The following KANK4 variants were observed in gnomAD, a reference collection of about 807,000 sequenced individuals.
The protein encoded by KANK4 is KN motif and ankyrin repeat domain-containing protein 4.
A neutral mutation model predicts 80.8 loss-of-function variants in KANK4; 50 were observed. The ratio of observed to expected loss-of-function variants is 0.62; its 90% CI spans 0.49 to 0.78. The LOEUF (loss-of-function observed/expected upper bound fraction) is 0.78. KANK4 is among the 30% of genes least tolerant of loss of function. KANK4 has a pLI of 0.00. For missense variants in KANK4, 1,196 were observed against 1,240.1 expected (o/e 0.96, Z 0.53); for synonymous variants, 465 against 506.9 (o/e 0.92, Z 1.11).
intron 7 of KANK4, among the ~76,000 whole-genome samples, chr1:62,255,824 GT>G (rs1309732651): frequency 6.6e-6 from 1 of 151,626 alleles, no homozygotes; most frequent in Non-Finnish European, 1.5e-5. Flanking sequence ...AATTCTTTGT[GT>G]TTTTTATAGA....
At chr1:62,246,887 A>C (rs1045915592) in intron 9 of KANK4, among the ~76,000 whole-genome samples, 3 of 151,854 alleles carry the variant, frequency 2.0e-5, no homozygotes, top group Non-Finnish European at 4.4e-5. Context: ...CAGCCTCCTG[A>C]GTAGCTGGAA....
chr1:62,266,394 C>T (rs59888667), intron 6 of KANK4, among the ~76,000 whole-genome samples: 2,289 of 151,530 alleles, frequency 0.015, 55 homozygotes, highest in African/African-American at 0.052. Context: ...ACACTCACAC[C>T]ACTGCCTCAC....
intron 6 of KANK4, among the ~76,000 whole-genome samples, chr1:62,266,119 T>C (rs1466658075): frequency 6.6e-6 from 1 of 152,220 alleles, no homozygotes; most frequent in Non-Finnish European, 1.5e-5. Flanking sequence ...GCCACAGAGT[T>C]TGATGACAGA....
chr1:62,283,913 G>A (rs1448140637), intron 1 of KANK4, among the ~76,000 whole-genome samples: 1 of 152,170 alleles, frequency 6.6e-6, no homozygotes, highest in African/African-American at 2.4e-5. Flanking sequence ...TAGAGACCTC[G>A]AAGATTTCTC....
chr1:62,241,355 G>A (rs766679724), intron 9 of KANK4, among the ~76,000 whole-genome samples: 3 of 152,172 alleles, frequency 2.0e-5, no homozygotes, highest in Non-Finnish European at 4.4e-5. Context: ...GCAGAGGAAG[G>A]AAGTGGCATT....
chr1:62,256,342 A>C (rs1671751212), intron 7 of KANK4, among the ~76,000 whole-genome samples: 1 of 152,172 alleles, frequency 6.6e-6, no homozygotes, highest in Non-Finnish European at 1.5e-5. Flanking sequence ...CAAGTGGAAA[A>C]AAGCAACATT....
At chr1:62,289,527 G>A (rs1012017781) in intron 1 of KANK4, among the ~76,000 whole-genome samples, 3 of 152,134 alleles carry the variant, frequency 2.0e-5, no homozygotes, top group African/African-American at 7.2e-5. Flanking sequence ...AGCACACCAC[G>A]ACTGTCTCCC....
chr1:62,282,931 T>TA (rs1283775415), intron 1 of KANK4, among the ~76,000 whole-genome samples: 1 of 152,174 alleles, frequency 6.6e-6, no homozygotes, highest in African/African-American at 2.4e-5. Context: ...CTAGAGAAGT[T>TA]AGAGACAAGG....
chr1:62,253,185 TTCTGATGG>T lies in KANK4; in HGVS notation c.2556_2563del (p.Asp852GlufsTer20). 1 of 1,611,682 alleles carries T rather than the reference TTCTGATGG, an allele frequency of 6.2e-7. No homozygotes were observed. Reference sequence around the variant, plus strand: ...CATTACGGCAGTGTAGCCAGCTTTGTTCTGATGGTCCACATTGCAGACGCCTGCAAGAG... The same window carrying T: ...CATTACGGCAGTGTAGCCAGCTTTGTTCCACATTGCAGACGCCTGCAAGAG... On this transcript the variant is annotated frameshift_variant, in exon 8 of 10. Coordinates refer to ENST00000371153, the MANE Select transcript of KANK4 (RefSeq NM_181712.5). LOFTEE classifies it high-confidence loss of function.
intron 1 of KANK4, among the ~76,000 whole-genome samples, chr1:62,308,135 C>T (rs1644468347): frequency 6.6e-6 from 1 of 152,190 alleles, no homozygotes; most frequent in African/African-American, 2.4e-5. Flanking sequence ...TCTGCCTGCC[C>T]TTTGCTCCTG....
chr1:62,312,939 C>T (rs1211952197), intron 1 of KANK4, among the ~76,000 whole-genome samples: 1 of 151,786 alleles, frequency 6.6e-6, no homozygotes, highest in African/African-American at 2.4e-5. Context: ...GCTTGGCCTC[C>T]TTCCAGACCT....
intron 8 of KANK4, among the ~76,000 whole-genome samples, chr1:62,250,588 CCCT>C (rs1349483482): frequency 3.9e-5 from 6 of 152,162 alleles, no homozygotes; most frequent in Admixed American, 3.9e-4. Flanking sequence ...GCATTCTCAC[CCCT>C]CCTTTGGTGA....
chr1:62,268,466 G>A lies in KANK4; in HGVS notation c.2052C>T (p.Asp684=). Residue 684 remains aspartate (D), a synonymous_variant, in exon 5 of 10, where the codon GAC becomes GAT. Coordinates refer to ENST00000371153, the MANE Select transcript of KANK4 (RefSeq NM_181712.5). ...TGTCAGACAAGTCCTCTGGGGTGCT[G>A]TCCTCACCGCTGGTCTCCTCACTTG... ...TTSSEETSGE[D]STPEDLSDSE... The A allele has an allele frequency of 6.2e-7, 1 of 1,613,766 alleles. No homozygotes were observed. Among genetic ancestry groups the A allele is most frequent in the East Asian group, 2.2e-5 (1 of 44,870 alleles).
intron 7 of KANK4, among the ~76,000 whole-genome samples, chr1:62,258,646 C>G (rs17379871): frequency 0.11 from 17,057 of 152,208 alleles, 1,129 homozygotes; most frequent in Admixed American, 0.17. Flanking sequence ...GACGTTTTCA[C>G]TCAACACCTA....
intron 3 of KANK4, 89 bp from the exon 4 acceptor site, chr1:62,271,678 G>A: frequency 1.0e-6 from 1 of 958,412 alleles, no homozygotes; most frequent in Non-Finnish European, 1.7e-6. Flanking sequence ...GGGGACAAGG[G>A]TTGCAGGTGT....
At position 62,274,638 on chromosome 1, in the gene KANK4, G is replaced by T. The variant is rs745875315; in HGVS notation, c.466C>A (p.Arg156=). Residue 156 remains arginine (R), a synonymous_variant, in exon 3 of 10, where the codon CGG becomes AGG. Transcript: ENST00000371153. ...CTGGATGCTCTCAAGAGCTGGGGCC[G>T]TCCACTCCCAAAAGTGAGCTCGGCA... ...EDAELTFGSG[R]PQLLRASSMP... is the part of the protein sequence containing the mutation. The T allele has an allele frequency of 6.2e-7, 1 of 1,614,126 alleles. No individual in the cohort carries two copies. The highest frequency in any genetic ancestry group is 8.5e-7 in the Non-Finnish European group (1 of 1,180,024).
chr1:62,292,637 C>T lies in KANK4; in HGVS notation c.-70-11003G>A, dbSNP rs141318937. 8.1e-3 allele frequency among the ~76,000 whole-genome samples: 1,229 copies of T among 152,268 alleles called. 10 individuals are homozygous for T. The highest frequency in any genetic ancestry group is 0.014 in the Admixed American group (207 of 15,290). ...ATTTGTAACTATAAAAGCCTTCCTC[C>T]AATTGAGAATGGCAAATCTCTATTT... On this transcript the variant is annotated intron_variant, in intron 1 of 9. Transcript: ENST00000371153.
chr1:62,295,614 C>T (rs886433957), intron 1 of KANK4, among the ~76,000 whole-genome samples: 1 of 152,224 alleles, frequency 6.6e-6, no homozygotes, highest in South Asian at 2.1e-4. Flanking sequence ...CATTTGCACC[C>T]ATAAAGGGGC....
intron 7 of KANK4, among the ~76,000 whole-genome samples, chr1:62,254,909 C>T (rs1350431371): frequency 3.0e-5 from 3 of 99,570 alleles, no homozygotes; most frequent in Non-Finnish European, 5.5e-5. Context: ...TTTTTTGAGA[C>T]GGAGTCTCGC....
Sources: allele counts gnomAD v4.1 joint callset (sites outside exome capture counted in the v4.1 genomes callset), GRCh38; gene constraint gnomAD v4.1.1; transcripts MANE v1.5; gene names NCBI Gene and HGNC (gene_info 2026-07-23, HGNC 2026-07-21).